Variants in GALNT1 observed in about 807,000 individuals in gnomAD.
GALNT1 encodes GalNAc transferase 1.
Under a neutral mutation model 65.7 loss-of-function variants are expected in GALNT1, and 17 were observed. The observed-to-expected ratio is 0.26, with a 90% CI of 0.18 to 0.39. The LOEUF (loss-of-function observed/expected upper bound fraction) is 0.39. Among genes scored for constraint, GALNT1 ranks in the 10% least tolerant of loss-of-function variants. The probability of loss-of-function intolerance (pLI) is 1.00; values close to 1 mark genes in which losing one functional copy is unlikely to be tolerated. For missense variants in GALNT1, 460 were observed against 672.8 expected (o/e 0.68, Z 3.50); for synonymous variants, 210 against 219.7 (o/e 0.96, Z 0.39).
intron 1 of GALNT1, among the ~76,000 whole-genome samples, chr18:35,622,953 A>G (rs1198118202): frequency 2.0e-5 from 3 of 151,992 alleles, no homozygotes; most frequent in African/African-American, 7.2e-5. Context: ...TTACTATTTT[A>G]TATAATATAT....
chr18:35,687,206 T>G lies in GALNT1; in HGVS notation c.860+20T>G. ...TGTCAGGTAATTAATTTGTCAGACA[T>G]TTTGCCTAAAGTGTTATTGGCAGAA... On this transcript the variant is annotated intron_variant, in intron 6 of 11. Coordinates refer to ENST00000269195, the MANE Select transcript of GALNT1 (RefSeq NM_020474.4). 6.2e-7 allele frequency: 1 copy of G among 1,607,176 alleles called. No homozygotes were observed. The highest frequency in any genetic ancestry group is 8.5e-7 in the Non-Finnish European group (1 of 1,176,462).
At chr18:35,610,216 C>A (rs1206268793) in intron 1 of GALNT1, among the ~76,000 whole-genome samples, 1 of 152,136 alleles carries the variant, frequency 6.6e-6, no homozygotes. Context: ...AGAGTGGAAC[C>A]AGGGTGTGGT....
chr18:35,684,281 A>G (rs943035051), intron 5 of GALNT1, among the ~76,000 whole-genome samples: 1 of 152,134 alleles, frequency 6.6e-6, no homozygotes, highest in African/African-American at 2.4e-5. Flanking sequence ...TTACTAGTCA[A>G]GTGGAACACG....
intron 1 of GALNT1, among the ~76,000 whole-genome samples, chr18:35,598,936 G>A (rs2046541100): frequency 6.6e-6 from 1 of 150,502 alleles, no homozygotes; most frequent in South Asian, 2.1e-4. Context: ...TAACTAGGGT[G>A]AGATGATATC....
chr18:35,681,152 A>G (rs2047781253), intron 4 of GALNT1, among the ~76,000 whole-genome samples: 1 of 152,084 alleles, frequency 6.6e-6, no homozygotes, highest in Non-Finnish European at 1.5e-5. Context: ...CCTGATGTTC[A>G]CACTCTCTGA....
At chr18:35,608,904 G>A (rs1209591947) in intron 1 of GALNT1, among the ~76,000 whole-genome samples, 1 of 152,172 alleles carries the variant, frequency 6.6e-6, no homozygotes, top group Non-Finnish European at 1.5e-5. Flanking sequence ...AAGTCCAAAT[G>A]CAGGTGTTCT....
intron 1 of GALNT1, among the ~76,000 whole-genome samples, chr18:35,622,981 C>G (rs2046873739): frequency 6.6e-6 from 1 of 151,990 alleles, no homozygotes; most frequent in African/African-American, 2.4e-5. Context: ...TTCCTCTTAC[C>G]CACACCTCCA....
intron 9 of GALNT1, among the ~76,000 whole-genome samples, chr18:35,701,337 G>A (rs1215199484): frequency 2.0e-5 from 3 of 152,114 alleles, no homozygotes; most frequent in African/African-American, 7.2e-5. Context: ...TAAAGTGCTC[G>A]GGTTATAGAC....
intron 2 of GALNT1, among the ~76,000 whole-genome samples, chr18:35,658,197 A>G (rs1333875982): frequency 6.6e-6 from 1 of 152,218 alleles, no homozygotes; most frequent in Non-Finnish European, 1.5e-5. Flanking sequence ...TCCCAGAAAC[A>G]GTTGTGAGGT....
chr18:35,653,263 G>A (rs1349889778), intron 1 of GALNT1, among the ~76,000 whole-genome samples: 1 of 152,148 alleles, frequency 6.6e-6, no homozygotes, highest in African/African-American at 2.4e-5. Flanking sequence ...AGAGAGATGA[G>A]CATAAATAAT....
intron 1 of GALNT1, among the ~76,000 whole-genome samples, chr18:35,623,322 T>C (rs566218394): frequency 2.6e-5 from 4 of 152,156 alleles, no homozygotes; most frequent in Non-Finnish European, 5.9e-5. Flanking sequence ...ACATTTTTTT[T>C]TCCCTGTGGA....
chr18:35,584,181 A>T (rs1362886903), intron 1 of GALNT1, among the ~76,000 whole-genome samples: 1 of 152,220 alleles, frequency 6.6e-6, no homozygotes, highest in Non-Finnish European at 1.5e-5. Context: ...TTTGATGGAC[A>T]GCTTTCCATA....
At chr18:35,628,287 C>G (rs2046948111) in intron 1 of GALNT1, among the ~76,000 whole-genome samples, 2 of 152,190 alleles carry the variant, frequency 1.3e-5, no homozygotes, top group Admixed American at 1.3e-4. Flanking sequence ...GGTCCCTGAA[C>G]CCCAAGTAGC....
At chr18:35,659,552 G>A (rs529870241) in intron 2 of GALNT1, among the ~76,000 whole-genome samples, 1 of 152,256 alleles carries the variant, frequency 6.6e-6, no homozygotes, top group South Asian at 2.1e-4. Context: ...CTGCTTTCCA[G>A]AATTAGCCCA....
At position 35,689,158 on chromosome 18, in the gene GALNT1, A is replaced by G. The variant is rs764237409; in HGVS notation, c.861-15A>G. ...AATTTTAAATTGCTAATGGTATAGCATTATTGAATTTCAGGACACCTACCA... is the reference window on the plus strand; with the variant it reads ...AATTTTAAATTGCTAATGGTATAGCGTTATTGAATTTCAGGACACCTACCA... On this transcript the variant is annotated splice_polypyrimidine_tract_variant and intron_variant, in intron 6 of 11. Transcript: ENST00000269195. 1.4e-6 allele frequency: 2 copies of G among 1,479,632 alleles called. No individual in the cohort carries two copies. Among genetic ancestry groups the G allele is most frequent in the Admixed American group, 1.7e-5 (1 of 59,410 alleles). 91.7% of individuals were successfully genotyped at this position (1,479,632 alleles called of 1,614,324 possible). A position where few individuals can be genotyped will look rare whatever the true frequency, so the allele number is the denominator to read the frequency against.
intron 1 of GALNT1, among the ~76,000 whole-genome samples, chr18:35,600,909 T>G (rs1250371423): frequency 6.6e-6 from 1 of 152,148 alleles, no homozygotes; most frequent in African/African-American, 2.4e-5. Context: ...CTTTTTTTGT[T>G]GTGTCCTTGT....
At chr18:35,614,177 G>A (rs1002389239) in intron 1 of GALNT1, among the ~76,000 whole-genome samples, 3 of 152,046 alleles carry the variant, frequency 2.0e-5, no homozygotes, top group Admixed American at 2.0e-4. Context: ...TATAAAATAC[G>A]GCTAAAGAGC....
At chr18:35,652,746 C>T (rs1020181203) in intron 1 of GALNT1, among the ~76,000 whole-genome samples, 1 of 152,150 alleles carries the variant, frequency 6.6e-6, no homozygotes, top group Admixed American at 6.6e-5. Context: ...TGCCACACAC[C>T]CCTCTTCTCC....
At chr18:35,618,035 CTTTT>C (rs35456192) in intron 1 of GALNT1, among the ~76,000 whole-genome samples, 1 of 138,740 alleles carries the variant, frequency 7.2e-6, no homozygotes. Flanking sequence ...CTTTGCTGTT[CTTTT>C]TTTTTTTTTT....
Sources: allele counts gnomAD v4.1 joint callset (sites outside exome capture counted in the v4.1 genomes callset), GRCh38; gene constraint gnomAD v4.1.1; transcripts MANE v1.5; gene names NCBI Gene and HGNC (gene_info 2026-07-23, HGNC 2026-07-21).